Variants in CHN1 observed in about 807,000 individuals in gnomAD.
The protein encoded by CHN1 is chimerin 1.
Under a neutral mutation model 59.5 loss-of-function variants are expected in CHN1, and 37 were observed. That is an observed-to-expected ratio of 0.62 (90% CI 0.48 to 0.82). The LOEUF (loss-of-function observed/expected upper bound fraction) is 0.82. Ranked by LOEUF, CHN1 falls within the 40% of genes least tolerant of loss-of-function variation. The pLI is 0.00. For synonymous variants in CHN1, 206 were observed against 200.4 expected, an observed-to-expected ratio of 1.03 and a Z score of -0.24; for missense variants, 469 against 571.0, an observed-to-expected ratio of 0.82 and a Z score of 1.82.
At chr2:174,838,389 AG>A (rs1328099843) in intron 7 of CHN1, among the ~76,000 whole-genome samples, 1 of 151,992 alleles carries the variant, frequency 6.6e-6, no homozygotes, top group Non-Finnish European at 1.5e-5. Context: ...CACTGCGCCC[AG>A]CCAAACCTCA....
At chr2:174,881,798 C>T (rs1687746392) in intron 5 of CHN1, among the ~76,000 whole-genome samples, 1 of 152,112 alleles carries the variant, frequency 6.6e-6, no homozygotes, top group Non-Finnish European at 1.5e-5. Context: ...TTTGTATTTG[C>T]CACTTGGTTA....
At chr2:174,936,867 T>C (rs11886464) in intron 3 of CHN1, among the ~76,000 whole-genome samples, 1 of 152,190 alleles carries the variant, frequency 6.6e-6, no homozygotes, top group Non-Finnish European at 1.5e-5. Flanking sequence ...GCTTGGTTTT[T>C]AAAGCCTGCC....
intron 1 of CHN1, among the ~76,000 whole-genome samples, chr2:174,965,001 A>C (rs1251123656): frequency 6.6e-6 from 1 of 152,118 alleles, no homozygotes; most frequent in African/African-American, 2.4e-5. Context: ...AATAACAAAA[A>C]TTTCAAGATA....
intron 8 of CHN1, among the ~76,000 whole-genome samples, chr2:174,817,853 G>A (rs1456689450): frequency 6.6e-6 from 1 of 152,086 alleles, no homozygotes; most frequent in African/African-American, 2.4e-5. Flanking sequence ...TAGCCAGGAT[G>A]GTCTCGATCT....
chr2:174,814,896 C>T (rs1235916362), intron 8 of CHN1, among the ~76,000 whole-genome samples: 4 of 151,954 alleles, frequency 2.6e-5, no homozygotes, highest in Non-Finnish European at 4.4e-5. Context: ...TAAAAGGACC[C>T]GAAGTAAGTA....
At chr2:174,886,867 T>C (rs552342670) in intron 5 of CHN1, among the ~76,000 whole-genome samples, 1 of 152,340 alleles carries the variant, frequency 6.6e-6, no homozygotes, top group Non-Finnish European at 1.5e-5. Context: ...ATAATTTACA[T>C]AGAATAAACT....
At position 174,961,716 on chromosome 2, in the gene CHN1, C is replaced by T. The variant is rs139599668; in HGVS notation, c.20-9514G>A. ...CAGAACAAAAAAATTGTTTTACATT[C>T]TGCAAATCTCTTTAATGTCTAGCCT... On this transcript the variant is annotated intron_variant, in intron 1 of 12. Coordinates refer to ENST00000409900, the MANE Select transcript of CHN1 (RefSeq NM_001822.7). 1.8e-4 allele frequency among the ~76,000 whole-genome samples: 28 copies of T among 152,140 alleles called. No homozygotes were observed. In the East Asian group the frequency reaches 5.0e-3, roughly 27 times the overall value.
chr2:174,924,387 TTATCTC>T (rs2105380055), intron 3 of CHN1, among the ~76,000 whole-genome samples: 1 of 152,260 alleles, frequency 6.6e-6, no homozygotes, highest in South Asian at 2.1e-4. Context: ...GTGTAGTCTC[TTATCTC>T]TATCACCCTT....
intron 3 of CHN1, among the ~76,000 whole-genome samples, chr2:174,930,731 C>CT (rs1374234291): frequency 6.6e-6 from 1 of 151,844 alleles, no homozygotes; most frequent in Non-Finnish European, 1.5e-5. Context: ...AGACGGATGC[C>CT]TAGGTAACAA....
chr2:174,824,088 A>G (rs1202491408), intron 8 of CHN1, among the ~76,000 whole-genome samples: 1 of 152,218 alleles, frequency 6.6e-6, no homozygotes, highest in East Asian at 1.9e-4. Context: ...ATTGCTTTAA[A>G]AAAATCATTT....
At chr2:174,985,464 C>G (rs1204824446) in intron 1 of CHN1, among the ~76,000 whole-genome samples, 2 of 152,094 alleles carry the variant, frequency 1.3e-5, no homozygotes, top group Non-Finnish European at 2.9e-5. Context: ...ATTCCAACTA[C>G]ATCATCTTGT....
intron 6 of CHN1, chr2:174,847,572 C>A: frequency 7.8e-7 from 1 of 1,276,720 alleles, no homozygotes. Context: ...TTTCTAGCAA[C>A]AGACACCCTA....
chr2:174,866,646 T>G (rs936486607), intron 6 of CHN1, among the ~76,000 whole-genome samples: 3 of 152,214 alleles, frequency 2.0e-5, no homozygotes, highest in African/African-American at 7.2e-5. Flanking sequence ...CAATTTCAGC[T>G]AAGCCCTTCT....
intron 3 of CHN1, among the ~76,000 whole-genome samples, chr2:174,919,304 GGAA>G (rs1387180907): frequency 6.6e-6 from 1 of 152,176 alleles, no homozygotes; most frequent in African/African-American, 2.4e-5. Context: ...GTAACAAAAG[GGAA>G]GACTAGTGAG....
At chr2:174,926,762 ATT>A (rs879446616) in intron 3 of CHN1, among the ~76,000 whole-genome samples, 9 of 140,164 alleles carry the variant, frequency 6.4e-5, no homozygotes, top group Non-Finnish European at 7.8e-5. Context: ...TACCCACACC[ATT>A]TTTTTTTTTT....
intron 5 of CHN1, among the ~76,000 whole-genome samples, chr2:174,895,045 GCGCGCA>G (rs999272524): frequency 1.6e-5 from 2 of 122,288 alleles, no homozygotes; most frequent in African/African-American, 9.3e-5. Context: ...ACACACACAC[GCGCGCA>G]CACACACACA....
At chr2:174,847,305 C>T (rs568764922) in intron 6 of CHN1, 4 of 1,325,832 alleles carry the variant, frequency 3.0e-6, no homozygotes, top group Admixed American at 3.5e-5. Flanking sequence ...AAACAGAGGT[C>T]GACTAACCAG....
chr2:174,962,323 A>G lies in CHN1; in HGVS notation c.20-10121T>C, dbSNP rs114418036. Reference sequence around the variant, plus strand: ...CAAACAAAGAAGAAATATTTCATCTAATAGAAGAAATACAAAAATTAGGAA... The same window carrying G: ...CAAACAAAGAAGAAATATTTCATCTGATAGAAGAAATACAAAAATTAGGAA... On this transcript the variant is annotated intron_variant, in intron 1 of 12. Transcript: ENST00000409900. Among the ~76,000 whole-genome samples the G allele has an allele frequency of 3.7e-3, 570 of 152,192 alleles. 4 individuals carry two copies. The highest frequency in any genetic ancestry group is 0.013 in the African/African-American group (546 of 41,538).
At chr2:174,955,996 T>A (rs949438227) in intron 1 of CHN1, among the ~76,000 whole-genome samples, 1 of 152,172 alleles carries the variant, frequency 6.6e-6, no homozygotes, top group Non-Finnish European at 1.5e-5. Flanking sequence ...AATATTCTCA[T>A]GTAACAAATC....
Sources: allele counts gnomAD v4.1 joint callset (sites outside exome capture counted in the v4.1 genomes callset), GRCh38; gene constraint gnomAD v4.1.1; transcripts MANE v1.5; gene names NCBI Gene and HGNC (gene_info 2026-07-23, HGNC 2026-07-21).